Variants in TDRD9 observed in about 807,000 individuals in gnomAD.
TDRD9 encodes tudor domain containing 9.
Under a neutral mutation model 172.6 loss-of-function variants are expected in TDRD9, and 124 were observed. That is an observed-to-expected ratio of 0.72 (90% confidence interval 0.62 to 0.83). TDRD9 has a LOEUF of 0.83. Ranked by LOEUF, TDRD9 falls within the 40% of genes least tolerant of loss-of-function variation. The pLI, the probability that TDRD9 is intolerant of heterozygous loss-of-function variation, is 0.00. For synonymous variants in TDRD9, 619 were observed against 617.1 expected, an observed-to-expected ratio of 1.00 and a Z score of -0.05; for missense variants, 1,479 against 1,714.1, an observed-to-expected ratio of 0.86 and a Z score of 2.42.
At chr14:104,035,124 C>T in intron 32 of TDRD9, 68 bp downstream of exon 32, 2 of 1,240,976 alleles carry the variant, frequency 1.6e-6, no homozygotes, top group Non-Finnish European at 1.1e-6. Flanking sequence ...ACGGGTGCCT[C>T]TCCTTGCTCC....
chr14:103,989,046 G>A (rs2033777574), intron 8 of TDRD9, among the ~76,000 whole-genome samples: 1 of 148,636 alleles, frequency 6.7e-6, no homozygotes, highest in East Asian at 2.0e-4. Flanking sequence ...TTCTAGTAAG[G>A]TGGGTCTGCT....
chr14:104,007,080 T>C, intron 18 of TDRD9, 80 bp from the exon 19 acceptor site: 1 of 1,346,706 alleles, frequency 7.4e-7, no homozygotes. Context: ...TTGTAAATTT[T>C]CAGGTTTGTT....
chr14:103,966,103 G>A lies in TDRD9; in HGVS notation c.642+549G>A, dbSNP rs560268208. On this transcript the variant is annotated intron_variant, in intron 4 of 35. Coordinates refer to ENST00000409874, the MANE Select transcript of TDRD9 (RefSeq NM_153046.3). ...CCCAGCACTTTGGGAGGCTGAGGCGGGCAGATCACTTGAGGTCAGAAGTTT... is the reference window on the plus strand; with the variant it reads ...CCCAGCACTTTGGGAGGCTGAGGCGAGCAGATCACTTGAGGTCAGAAGTTT... 1.3e-4 allele frequency among the ~76,000 whole-genome samples: 20 copies of A among 152,220 alleles called. No homozygotes were observed. In the South Asian group the frequency reaches 3.9e-3, roughly 30 times the overall value.
Position 104,002,317 on chromosome 14 carries a change from C to CAA in TDRD9, c.1484-1902_1484-1901dup, listed in dbSNP as rs200021451. On this transcript the variant is annotated intron_variant, in intron 13 of 35. Transcript: ENST00000409874. ...TGGGTGACAGAGTGAGATGCTGTTTCAAAAAAAAAAAAAAAAAAAAGAAAA... is the reference window on the plus strand; with the variant it reads ...TGGGTGACAGAGTGAGATGCTGTTTCAAAAAAAAAAAAAAAAAAAAAAGAAAA... Among the ~76,000 whole-genome samples the CAA allele has an allele frequency of 4.1e-3, 530 of 128,534 alleles. 8 individuals are homozygous for CAA. Among genetic ancestry groups the CAA allele is most frequent in the African/African-American group, 9.6e-3 (337 of 35,012 alleles). The allele number at this position is 128,534 out of a possible 152,430, so 84.3% of individuals were successfully genotyped here. A position where few individuals can be genotyped will look rare whatever the true frequency, so the allele number is the denominator to read the frequency against.
At chr14:104,017,825 G>A (rs185466588) in intron 22 of TDRD9, among the ~76,000 whole-genome samples, 11 of 152,296 alleles carry the variant, frequency 7.2e-5, no homozygotes, top group Admixed American at 7.2e-4. Flanking sequence ...GAAAACAGAA[G>A]TAAACAAATC....
intron 1 of TDRD9, among the ~76,000 whole-genome samples, chr14:103,951,604 TA>T: frequency 6.6e-6 from 1 of 152,334 alleles, no homozygotes; most frequent in African/African-American, 2.4e-5. Flanking sequence ...TTTATTTGCT[TA>T]ATATTAGGGC....
At chr14:103,943,441 ATATG>A (rs1334265282) in intron 1 of TDRD9, among the ~76,000 whole-genome samples, 3 of 150,500 alleles carry the variant, frequency 2.0e-5, no homozygotes, top group Non-Finnish European at 3.0e-5. Flanking sequence ...ACGCATATGT[ATATG>A]TATTATATAT....
chr14:103,931,633 T>A (rs1165656076), intron 1 of TDRD9, among the ~76,000 whole-genome samples: 2 of 152,232 alleles, frequency 1.3e-5, no homozygotes, highest in African/African-American at 4.8e-5. Context: ...CCCAACTTCC[T>A]GTAGCAAATG....
intron 13 of TDRD9, among the ~76,000 whole-genome samples, chr14:104,000,527 G>A (rs1478857196): frequency 1.3e-5 from 2 of 152,172 alleles, no homozygotes; most frequent in African/African-American, 4.8e-5. Flanking sequence ...GCTTGTGCCT[G>A]TAATCCCAGC....
chr14:104,014,968 G>A (rs774035515), intron 21 of TDRD9, 127 bp downstream of exon 21: 28 of 529,320 alleles, frequency 5.3e-5, no homozygotes, highest in Non-Finnish European at 8.1e-5. Flanking sequence ...TAGGTCCATA[G>A]TGTTCATACT....
rs138513468 is a variant in TDRD9, at chr14:103,984,011, C to T, written c.1012-2206C>T. 3.9e-3 allele frequency among the ~76,000 whole-genome samples: 600 copies of T among 152,212 alleles called. 2 individuals are homozygous for T. Among genetic ancestry groups the T allele is most frequent in the Non-Finnish European group, 5.8e-3 (395 of 68,006 alleles). On this transcript the variant is annotated intron_variant, in intron 7 of 35. Transcript: ENST00000409874. Reference sequence around the variant, plus strand: ...GAGACTGGTGGCATTTTGCCCTGCCCTAGAGATTTGTGGAAGTTTGAACTT... The same window carrying T: ...GAGACTGGTGGCATTTTGCCCTGCCTTAGAGATTTGTGGAAGTTTGAACTT...
Position 103,993,689 on chromosome 14 carries a change from T to A in TDRD9, c.1181-643T>A, listed in dbSNP as rs570860896. 2.6e-5 allele frequency among the ~76,000 whole-genome samples: 4 copies of A among 152,342 alleles called. No homozygotes were observed. In the East Asian group the frequency reaches 5.8e-4, roughly 22 times the overall value. ...CATGGCATTCTCTGTTTGTGCCTCT[T>A]CCCTTCTTGTATGGATACCAGTCAT... On this transcript the variant is annotated intron_variant, in intron 9 of 35. Transcript: ENST00000409874.
chr14:104,034,819 C>G (rs2035399743), intron 31 of TDRD9, 141 bp from the exon 32 acceptor site: 1 of 614,690 alleles, frequency 1.6e-6, no homozygotes, highest in Non-Finnish European at 2.9e-6. Flanking sequence ...GTGTGCGTTA[C>G]TATTGGGGTG....
chr14:103,979,901 G>T, intron 7 of TDRD9, among the ~76,000 whole-genome samples: 1 of 150,420 alleles, frequency 6.6e-6, no homozygotes, highest in Non-Finnish European at 1.5e-5. Flanking sequence ...TTTGAGATTG[G>T]GTCTTGCTCT....
intron 1 of TDRD9, among the ~76,000 whole-genome samples, chr14:103,945,005 C>G (rs2031483955): frequency 6.6e-6 from 1 of 152,146 alleles, no homozygotes; most frequent in Admixed American, 6.5e-5. Flanking sequence ...TAGCAGTGAA[C>G]AAGAAAGACC....
chr14:103,943,813 G>A (rs557654958), intron 1 of TDRD9, among the ~76,000 whole-genome samples: 9 of 152,284 alleles, frequency 5.9e-5, no homozygotes, highest in South Asian at 4.1e-4. Context: ...AAGAGTAGAC[G>A]TTGTTTACAT....
chr14:103,928,716 G>A lies in TDRD9; in HGVS notation c.207G>A (p.Ala69=). The part of the protein sequence containing the change: ...LAQAPARPAA[A]FERSLSQRSS... ...AAGCTCCGGCCCGGCCGGCCGCTGC[G>A]TTCGAAAGGTAGGACGCGGGCGGGG... is the stretch of plus-strand genomic sequence containing the variant. Residue 69 remains alanine (A), a synonymous_variant, in exon 1 of 36, where the codon GCG becomes GCA. Transcript: ENST00000409874. 6 of 1,160,730 alleles carry A rather than the reference G, an allele frequency of 5.2e-6. No homozygotes were observed. Among genetic ancestry groups the A allele is most frequent in the Non-Finnish European group, 6.4e-6 (6 of 931,264 alleles). 71.9% of individuals were successfully genotyped at this position (1,160,730 alleles called of 1,614,324 possible).
intron 7 of TDRD9, among the ~76,000 whole-genome samples, chr14:103,983,662 TG>T (rs1270399919): frequency 6.6e-6 from 1 of 152,248 alleles, no homozygotes; most frequent in Non-Finnish European, 1.5e-5. Flanking sequence ...TGTGTAGTTG[TG>T]GCCTCAGCTT....
At chr14:103,991,622 A>G (rs983339211) in intron 9 of TDRD9, among the ~76,000 whole-genome samples, 3 of 152,122 alleles carry the variant, frequency 2.0e-5, no homozygotes, top group Non-Finnish European at 2.9e-5. Context: ...CATGTTGGCC[A>G]GGATGGTCTC....
Sources: gnomAD v4.1 joint callset for allele counts (sites outside exome capture counted in the v4.1 genomes callset) on GRCh38, gnomAD v4.1.1 for gene constraint, MANE v1.5 for transcripts, NCBI Gene and HGNC (gene_info 2026-07-23, HGNC 2026-07-21) for gene names.